The following MLLT3 variants were observed in gnomAD, a reference collection of about 807,000 sequenced individuals.
MLLT3 encodes protein AF-9.
MLLT3 carries 4 observed loss-of-function variants against 53.2 expected under a neutral mutation model. The ratio of observed to expected loss-of-function variants is 0.08; its 90% confidence interval spans 0.04 to 0.17. MLLT3 has a LOEUF of 0.17. Among genes scored for constraint, MLLT3 ranks in the 10% least tolerant of loss-of-function variants. The pLI is 1.00. For missense variants in MLLT3, 569 were observed against 684.0 expected, an observed-to-expected ratio of 0.83 and a Z score of 1.87; for synonymous variants, 283 against 230.6, an observed-to-expected ratio of 1.23 and a Z score of -2.06.
chr9:20,395,373 A>G (rs1822297235), intron 5 of MLLT3, among the ~76,000 whole-genome samples: 2 of 152,192 alleles, frequency 1.3e-5, no homozygotes, highest in South Asian at 4.1e-4. Context: ...TTTTTAGCTA[A>G]TAAGGGCCTG....
rs1037879158 is a variant in MLLT3 at position 20,622,317 on chromosome 9, C to T, written c.-61G>A. The stretch of plus-strand genomic sequence containing the variant: ...GGTACCCCCCCCTCCTCCGCCCCCC[C>T]TCAGCTGTAATTCATGAAGAGGCTG... On this transcript the variant is annotated 5_prime_UTR_variant, in exon 1 of 11. Transcript: ENST00000380338. The T allele has an allele frequency of 1.4e-6, 2 of 1,458,686 alleles. No individual in the cohort carries two copies. Among genetic ancestry groups the T allele is most frequent in the Non-Finnish European group, 1.8e-6 (2 of 1,087,454 alleles). 90.4% of individuals were successfully genotyped at this position (1,458,686 alleles called of 1,614,324 possible).
intron 4 of MLLT3, among the ~76,000 whole-genome samples, chr9:20,434,467 A>G (rs1415504977): frequency 3.3e-5 from 5 of 152,140 alleles, no homozygotes; most frequent in Admixed American, 2.0e-4. Flanking sequence ...TGCACAGTGG[A>G]CTAAGGGACT....
chr9:20,555,063 T>G (rs1184785783), intron 2 of MLLT3, among the ~76,000 whole-genome samples: 1 of 152,196 alleles, frequency 6.6e-6, no homozygotes, highest in Admixed American at 6.5e-5. Context: ...AATTAAGAAG[T>G]GTTTCGTGAA....
intron 2 of MLLT3, among the ~76,000 whole-genome samples, chr9:20,495,772 A>G (rs1009862717): frequency 4.6e-5 from 7 of 152,328 alleles, no homozygotes; most frequent in African/African-American, 1.4e-4. Flanking sequence ...AAAATGTTTT[A>G]AAGAACCTTA....
At chr9:20,597,617 A>T (rs1162856105) in intron 2 of MLLT3, among the ~76,000 whole-genome samples, 2 of 152,194 alleles carry the variant, frequency 1.3e-5, no homozygotes, top group African/African-American at 4.8e-5. Context: ...TCTTCTGAAC[A>T]CCAGTATTAC....
At chr9:20,575,386 A>C (rs550476558) in intron 2 of MLLT3, among the ~76,000 whole-genome samples, 28 of 152,322 alleles carry the variant, frequency 1.8e-4, no homozygotes, top group African/African-American at 6.7e-4. Flanking sequence ...CTCGCAGAAG[A>C]CCCAGATGAT....
intron 10 of MLLT3, among the ~76,000 whole-genome samples, 181 bp from the exon 11 acceptor site, chr9:20,346,755 T>C (rs1820880968): frequency 6.6e-6 from 1 of 152,172 alleles, no homozygotes; most frequent in Non-Finnish European, 1.5e-5. Context: ...GTCAAAGGTA[T>C]ATTAAGCCTT....
At chr9:20,374,821 G>T (rs1821713650) in intron 5 of MLLT3, among the ~76,000 whole-genome samples, 1 of 152,108 alleles carries the variant, frequency 6.6e-6, no homozygotes, top group Non-Finnish European at 1.5e-5. Flanking sequence ...TAGGAATTAT[G>T]CCCCCTCTAC....
intron 2 of MLLT3, among the ~76,000 whole-genome samples, chr9:20,565,941 TA>T (rs764372323): frequency 0.68 from 80,675 of 118,060 alleles, 25,465 homozygotes; most frequent in East Asian, 0.76. Flanking sequence ...TATATATTTA[TA>T]TATATATATA....
intron 4 of MLLT3, among the ~76,000 whole-genome samples, chr9:20,423,274 A>G (rs1251656317): frequency 6.6e-6 from 1 of 152,196 alleles, no homozygotes; most frequent in African/African-American, 2.4e-5. Flanking sequence ...AATCTTGCCA[A>G]TATAACCTGG....
intron 5 of MLLT3, among the ~76,000 whole-genome samples, chr9:20,378,643 C>T (rs1821833883): frequency 6.6e-6 from 1 of 151,976 alleles, no homozygotes; most frequent in African/African-American, 2.4e-5. Context: ...ATAGTGTTTA[C>T]AGAAAATTAT....
chr9:20,350,409 A>C (rs573193329), intron 10 of MLLT3, among the ~76,000 whole-genome samples: 153 of 151,864 alleles, frequency 1.0e-3, no homozygotes, highest in Middle Eastern at 6.8e-3. Flanking sequence ...ACCCGGCTAA[A>C]ACGGTGAAAC....
intron 2 of MLLT3, among the ~76,000 whole-genome samples, chr9:20,601,394 C>A (rs1262662647): frequency 6.6e-6 from 1 of 152,192 alleles, no homozygotes; most frequent in Non-Finnish European, 1.5e-5. Flanking sequence ...TGATCTGCAA[C>A]TGACTGTGGA....
intron 2 of MLLT3, among the ~76,000 whole-genome samples, chr9:20,494,883 C>T (rs1422866435): frequency 6.6e-6 from 1 of 152,012 alleles, no homozygotes; most frequent in Admixed American, 6.6e-5. Flanking sequence ...ATGGATCTTC[C>T]CAAGGGAAAG....
chr9:20,445,603 A>G (rs1246326582), intron 4 of MLLT3, among the ~76,000 whole-genome samples: 1 of 152,164 alleles, frequency 6.6e-6, no homozygotes, highest in Non-Finnish European at 1.5e-5. Context: ...AACCTTTCTG[A>G]TCTCTTGAAA....
At chr9:20,504,250 C>A (rs1173803336) in intron 2 of MLLT3, among the ~76,000 whole-genome samples, 1 of 152,056 alleles carries the variant, frequency 6.6e-6, no homozygotes, top group South Asian at 2.1e-4. Context: ...TCCATTTTCA[C>A]TGCAGTACTA....
intron 2 of MLLT3, among the ~76,000 whole-genome samples, chr9:20,544,515 C>T (rs953127347): frequency 1.3e-5 from 2 of 152,116 alleles, no homozygotes; most frequent in African/African-American, 4.8e-5. Context: ...TCAGGGAATG[C>T]AAATGAAGCC....
rs990887016 is a variant in MLLT3 at position 20,350,343 on chromosome 9, C to T, written c.1575+3182G>A. ...GGGCGCGGTGGCTCACGCCTGTAAT[C>T]CCAGCACTTTGGGAGGCCAAGGCGG... On this transcript the variant is annotated intron_variant, in intron 10 of 10. Transcript: ENST00000380338. Among the ~76,000 whole-genome samples the T allele has an allele frequency of 4.6e-5, 7 of 152,140 alleles. No homozygotes were observed. The South Asian group carries it at 6.2e-4, about 13-fold the overall frequency.
chr9:20,516,111 C>T (rs1278004937), intron 2 of MLLT3, among the ~76,000 whole-genome samples: 2 of 152,186 alleles, frequency 1.3e-5, no homozygotes, highest in Non-Finnish European at 2.9e-5. Context: ...GAGTCTGTGA[C>T]TATGAACACC....
Sources: allele counts gnomAD v4.1 joint callset (sites outside exome capture counted in the v4.1 genomes callset), GRCh38; gene constraint gnomAD v4.1.1; transcripts MANE v1.5; gene names NCBI Gene and HGNC (gene_info 2026-07-23, HGNC 2026-07-21).